The following MDFIC2 variants were observed in gnomAD, a reference collection of about 807,000 sequenced individuals.
MDFIC2 encodes MyoD family inhibitor domain containing 2, also known as myoD family inhibitor domain-containing protein 2.
chr3:70,229,772 A>T (rs1372908077), intron 2 of MDFIC2, among the ~76,000 whole-genome samples: 3 of 152,308 alleles, frequency 2.0e-5, no homozygotes, highest in Non-Finnish European at 4.4e-5. Flanking sequence ...ATCTATCTGC[A>T]TTGAGATTTT....
intron 2 of MDFIC2, among the ~76,000 whole-genome samples, chr3:70,292,480 C>G (rs976886185): frequency 2.6e-5 from 4 of 151,976 alleles, no homozygotes; most frequent in Non-Finnish European, 5.9e-5. Flanking sequence ...AGGAAACAAT[C>G]GTAAAGATGA....
chr3:70,248,610 T>C (rs1413220396), intron 2 of MDFIC2, among the ~76,000 whole-genome samples: 1 of 152,050 alleles, frequency 6.6e-6, no homozygotes, highest in Non-Finnish European at 1.5e-5. Context: ...CAAGATTGGA[T>C]TAGAAGAGCA....
At chr3:70,212,129 C>T (rs2106729696) in intron 2 of MDFIC2, among the ~76,000 whole-genome samples, 1 of 152,236 alleles carries the variant, frequency 6.6e-6, no homozygotes, top group Non-Finnish European at 1.5e-5. Context: ...TTCATCCAGC[C>T]ATCCAAAGAT....
intron 2 of MDFIC2, among the ~76,000 whole-genome samples, chr3:70,232,851 G>GA (rs1403661885): frequency 2.0e-5 from 3 of 151,988 alleles, no homozygotes; most frequent in South Asian, 2.1e-4. Flanking sequence ...CAGAAAGAAG[G>GA]AAAAAAATCT....
chr3:70,274,173 T>C (rs185385322), intron 2 of MDFIC2, among the ~76,000 whole-genome samples: 1 of 151,830 alleles, frequency 6.6e-6, no homozygotes, highest in African/African-American at 2.4e-5. Flanking sequence ...CATACATATG[T>C]GTAGGGGGTG....
intron 2 of MDFIC2, among the ~76,000 whole-genome samples, chr3:70,250,732 C>T (rs1038640211): frequency 1.3e-5 from 2 of 151,996 alleles, no homozygotes; most frequent in African/African-American, 2.4e-5. Context: ...TTTGTTTGTC[C>T]TGGAAGCATC....
intron 2 of MDFIC2, among the ~76,000 whole-genome samples, chr3:70,243,092 C>G (rs1369224605): frequency 6.6e-6 from 1 of 152,118 alleles, no homozygotes; most frequent in Non-Finnish European, 1.5e-5. Context: ...TCTGTTTTAT[C>G]TTTCTCCTGC....
chr3:70,214,111 T>C (rs1402646366), intron 2 of MDFIC2, among the ~76,000 whole-genome samples: 1 of 152,130 alleles, frequency 6.6e-6, no homozygotes, highest in Admixed American at 6.6e-5. Flanking sequence ...TAAGTAACTA[T>C]GGAGTATTCA....
rs2106742732 is a variant in MDFIC2 at position 70,228,824 on chromosome 3, C to G, written c.89-22034G>C. ...TATTAAGATGGATAGCTGGGTTATA[C>G]CTCAAAATTCCTTAATTCCTTTAGC... is the stretch of plus-strand genomic sequence containing the variant. On this transcript the variant is annotated intron_variant, in intron 2 of 3. Transcript: ENST00000567252. Among the ~76,000 whole-genome samples the G allele has an allele frequency of 1.3e-5, 2 of 151,754 alleles. 1 individual carries two copies. Among genetic ancestry groups the G allele is most frequent in the South Asian group, 4.2e-4 (2 of 4,812 alleles).
At chr3:70,238,336 C>T (rs1125009) in intron 2 of MDFIC2, among the ~76,000 whole-genome samples, 17,123 of 151,876 alleles carry the variant, frequency 0.11, 1,683 homozygotes, top group African/African-American at 0.27. Flanking sequence ...GGCTGGGCAT[C>T]GTGGCTCACA....
intron 2 of MDFIC2, among the ~76,000 whole-genome samples, chr3:70,245,670 T>TA (rs1701699649): frequency 2.9e-5 from 3 of 104,132 alleles, no homozygotes; most frequent in African/African-American, 4.2e-5. Flanking sequence ...TGCAAACTGC[T>TA]TTATATATAT....
intron 2 of MDFIC2, among the ~76,000 whole-genome samples, chr3:70,277,497 C>T (rs1041332572): frequency 2.0e-5 from 3 of 152,086 alleles, no homozygotes; most frequent in Non-Finnish European, 2.9e-5. Flanking sequence ...TTAGAATAAG[C>T]CATAAAAGCT....
At chr3:70,227,184 G>A (rs933639275) in intron 2 of MDFIC2, among the ~76,000 whole-genome samples, 1 of 152,168 alleles carries the variant, frequency 6.6e-6, no homozygotes, top group East Asian at 1.9e-4. Flanking sequence ...TCTTAGAAAT[G>A]CCATGATGGA....
chr3:70,298,967 G>T (rs1273570467), intron 2 of MDFIC2, among the ~76,000 whole-genome samples: 1 of 152,140 alleles, frequency 6.6e-6, no homozygotes, highest in Non-Finnish European at 1.5e-5. Flanking sequence ...CAACTAAGCT[G>T]AGGCATTGAT....
At chr3:70,287,665 T>A (rs1171972485) in intron 2 of MDFIC2, among the ~76,000 whole-genome samples, 1 of 152,144 alleles carries the variant, frequency 6.6e-6, no homozygotes, top group Non-Finnish European at 1.5e-5. Flanking sequence ...CTGGTAGAAT[T>A]TGGCTGTGAA....
chr3:70,257,287 C>A (rs1250030723), intron 2 of MDFIC2, among the ~76,000 whole-genome samples: 2 of 152,146 alleles, frequency 1.3e-5, no homozygotes, highest in African/African-American at 4.8e-5. Context: ...GAATAGACTT[C>A]TTTGGTAATT....
At chr3:70,226,737 T>TA (rs369777217) in intron 2 of MDFIC2, among the ~76,000 whole-genome samples, 37,901 of 121,232 alleles carry the variant, frequency 0.31, 5,830 homozygotes, top group African/African-American at 0.36. Context: ...GACTCTGTCT[T>TA]AAAAAAAAAA....
At chr3:70,233,114 G>T (rs1701576803) in intron 2 of MDFIC2, among the ~76,000 whole-genome samples, 1 of 152,174 alleles carries the variant, frequency 6.6e-6, no homozygotes, top group South Asian at 2.1e-4. Context: ...GCTTAAACCT[G>T]GGAGGCAGAG....
chr3:70,306,667 C>T (rs1372435041), intron 2 of MDFIC2, among the ~76,000 whole-genome samples: 2 of 152,028 alleles, frequency 1.3e-5, no homozygotes, highest in African/African-American at 4.8e-5. Flanking sequence ...GCACCAACAT[C>T]TGGTTAGAAG....
Sources: gnomAD v4.1 joint callset for allele counts (sites outside exome capture counted in the v4.1 genomes callset) on GRCh38, gnomAD v4.1.1 for gene constraint, MANE v1.5 for transcripts, NCBI Gene and HGNC (gene_info 2026-07-23, HGNC 2026-07-21) for gene names.